The following SCN8A variants were observed in gnomAD, a reference collection of about 807,000 sequenced individuals.
SCN8A encodes the protein sodium voltage-gated channel alpha subunit 8.
Under a neutral mutation model 184.1 loss-of-function variants are expected in SCN8A, and 30 were observed. The observed-to-expected ratio is 0.16, with a 90% CI of 0.12 to 0.22. The LOEUF is 0.22. SCN8A is among the 10% of genes least tolerant of loss of function. The probability of loss-of-function intolerance (pLI) is 1.00; values close to 1 mark genes in which losing one functional copy is unlikely to be tolerated. For missense variants in SCN8A, 1,057 were observed against 2,498.9 expected (o/e 0.42, Z 12.30); for synonymous variants, 852 against 907.0 (o/e 0.94, Z 1.09).
In SCN8A at chr12:51,721,916, T is replaced by G; in HGVS notation, c.1998+8T>G. 1 of 1,599,628 alleles carries G rather than the reference T, an allele frequency of 6.3e-7. No homozygotes were observed. Among genetic ancestry groups the G allele is most frequent in the Non-Finnish European group, 8.5e-7 (1 of 1,179,760 alleles). Reference sequence around the variant, plus strand: ...GGGCGTCTCCTGCCAGAGGTGAAAATTGATAAGGCAGCTACCGATGACAGT... The same window carrying G: ...GGGCGTCTCCTGCCAGAGGTGAAAAGTGATAAGGCAGCTACCGATGACAGT... On this transcript the variant is annotated splice_region_variant and intron_variant, in intron 12 of 26. Coordinates refer to ENST00000627620, the MANE Select transcript of SCN8A (RefSeq NM_001330260.2).
At chr12:51,595,884 G>A (rs927789350) in intron 1 of SCN8A, among the ~76,000 whole-genome samples, 1 of 152,188 alleles carries the variant, frequency 6.6e-6, no homozygotes, top group East Asian at 1.9e-4. Flanking sequence ...AACTTGGATG[G>A]ACATTGCTAA....
At chr12:51,607,255 C>A (rs920155968) in intron 1 of SCN8A, among the ~76,000 whole-genome samples, 1 of 152,144 alleles carries the variant, frequency 6.6e-6, no homozygotes, top group Non-Finnish European at 1.5e-5. Flanking sequence ...AGAAGAGTTA[C>A]TGATTTGCAT....
At chr12:51,706,986 C>A (rs1941796632) in intron 11 of SCN8A, among the ~76,000 whole-genome samples, 1 of 152,130 alleles carries the variant, frequency 6.6e-6, no homozygotes. Context: ...CTGTGCTTGG[C>A]TTATTTCAGT....
chr12:51,772,618 G>A (rs1202303048), intron 19 of SCN8A, among the ~76,000 whole-genome samples: 5 of 151,932 alleles, frequency 3.3e-5, no homozygotes, highest in African/African-American at 4.8e-5. Flanking sequence ...TGAGCAAAGG[G>A]GATTTATTTG....
At chr12:51,663,516 C>G (rs1012550281) in intron 2 of SCN8A, among the ~76,000 whole-genome samples, 4 of 152,154 alleles carry the variant, frequency 2.6e-5, no homozygotes, top group African/African-American at 7.2e-5. Flanking sequence ...TCTTGTCTAG[C>G]TCCCTTTGTG....
At chr12:51,648,738 C>T (rs535352266) in intron 1 of SCN8A, among the ~76,000 whole-genome samples, 8 of 152,292 alleles carry the variant, frequency 5.3e-5, no homozygotes, top group South Asian at 2.1e-4. Flanking sequence ...TCCCACAACA[C>T]GTGGGAATCA....
intron 1 of SCN8A, among the ~76,000 whole-genome samples, chr12:51,633,209 A>G (rs1373356897): frequency 2.0e-5 from 3 of 152,214 alleles, no homozygotes; most frequent in Non-Finnish European, 2.9e-5. Context: ...TCAAACTGCT[A>G]TGTATCTACC....
chr12:51,751,284 A>C, intron 13 of SCN8A, 71 bp from the exon 14 acceptor site: 1 of 958,246 alleles, frequency 1.0e-6, no homozygotes, highest in South Asian at 1.5e-5. Context: ...ATAATGACTG[A>C]GAGTGAGTAG....
intron 11 of SCN8A, among the ~76,000 whole-genome samples, chr12:51,716,653 G>A (rs1033021387): frequency 3.9e-5 from 6 of 152,148 alleles, no homozygotes; most frequent in African/African-American, 1.2e-4. Context: ...TAGTGTTAAA[G>A]GTGATTGTGG....
At chr12:51,618,968 AAAGT>A (rs1939904527) in intron 1 of SCN8A, among the ~76,000 whole-genome samples, 2 of 152,196 alleles carry the variant, frequency 1.3e-5, no homozygotes, top group Admixed American at 6.5e-5. Flanking sequence ...TAAAGGGAAC[AAAGT>A]AAGAGAGGTA....
At chr12:51,592,265 T>C (rs1939243050) in intron 1 of SCN8A, among the ~76,000 whole-genome samples, 1 of 151,762 alleles carries the variant, frequency 6.6e-6, no homozygotes, top group African/African-American at 2.4e-5. Context: ...TCCTGAGAGC[T>C]CAGCTCCATC....
chr12:51,762,445 A>G lies in SCN8A; in HGVS notation c.2371-58A>G. 4.0e-6 allele frequency: 6 copies of G among 1,482,712 alleles called. No homozygotes were observed. The South Asian group carries it at 4.7e-5, about 12-fold the overall frequency. The allele number at this position is 1,482,712 out of a possible 1,614,324, so 91.8% of individuals were successfully genotyped here. The stretch of plus-strand genomic sequence containing the variant: ...GGACATGTTGTTTTCAAAAATAATG[A>G]TAAAGGCATTCTCTTTCTACTATTT... On this transcript the variant is annotated intron_variant, in intron 14 of 26. Coordinates refer to ENST00000627620, the MANE Select transcript of SCN8A (RefSeq NM_001330260.2).
chr12:51,622,182 G>C (rs1168835452), intron 1 of SCN8A, among the ~76,000 whole-genome samples: 1 of 152,082 alleles, frequency 6.6e-6, no homozygotes, highest in Non-Finnish European at 1.5e-5. Flanking sequence ...AATAATTTTA[G>C]GTTTACAGCA....
At chr12:51,600,037 C>T (rs898703545) in intron 1 of SCN8A, among the ~76,000 whole-genome samples, 32 of 152,138 alleles carry the variant, frequency 2.1e-4, no homozygotes, top group African/African-American at 7.5e-4. Flanking sequence ...GGTTAACAAG[C>T]TGTCTTTATT....
intron 5 of SCN8A, chr12:51,688,698 C>A (rs1187801959): frequency 6.7e-6 from 8 of 1,197,864 alleles, no homozygotes; most frequent in Non-Finnish European, 9.9e-6. Flanking sequence ...TTTCTTCCCC[C>A]CATTCTCAAA....
intron 25 of SCN8A, among the ~76,000 whole-genome samples, chr12:51,793,144 T>C (rs303813): frequency 1.3e-5 from 2 of 152,106 alleles, no homozygotes; most frequent in East Asian, 3.8e-4. Flanking sequence ...TAAGTGGCCA[T>C]ACAAGTCCAG....
At chr12:51,649,912 C>T (rs1940672603) in intron 1 of SCN8A, among the ~76,000 whole-genome samples, 1 of 152,196 alleles carries the variant, frequency 6.6e-6, no homozygotes. Flanking sequence ...GGACAGGCTG[C>T]AAATTTTCCA....
At position 51,662,810 on chromosome 12, in the gene SCN8A, A is replaced by G; in HGVS notation, c.-8A>G. 1 of 1,612,890 alleles carries G rather than the reference A, an allele frequency of 6.2e-7. No individual in the cohort carries two copies. The highest frequency in any genetic ancestry group is 8.5e-7 in the Non-Finnish European group (1 of 1,179,202). On this transcript the variant is annotated 5_prime_UTR_variant, in exon 2 of 27. The change abolishes an upstream ATG in the 5' untranslated region. Transcript: ENST00000627620. The stretch of plus-strand genomic sequence containing the variant: ...GCATAACTAACGAAGCTGCTGCAGG[A>G]TGAGAAGATGGCAGCGCGGCTGCTT...
chr12:51,769,397 C>A, intron 17 of SCN8A, 62 bp downstream of exon 17: 1 of 1,258,990 alleles, frequency 7.9e-7, no homozygotes, highest in Non-Finnish European at 1.1e-6. Flanking sequence ...TGCTGTCAGC[C>A]TTGGGGATTG....
Sources: gnomAD v4.1 joint callset for allele counts (sites outside exome capture counted in the v4.1 genomes callset) on GRCh38, gnomAD v4.1.1 for gene constraint, MANE v1.5 for transcripts, NCBI Gene and HGNC (gene_info 2026-07-23, HGNC 2026-07-21) for gene names.